The following PTPRD variants were observed in gnomAD, a reference collection of about 807,000 sequenced individuals.
PTPRD encodes receptor-type tyrosine-protein phosphatase delta.
A neutral mutation model predicts 214.5 loss-of-function variants in PTPRD; 34 were observed. The ratio of observed to expected loss-of-function variants is 0.16; its 90% confidence interval spans 0.12 to 0.21. The LOEUF (loss-of-function observed/expected upper bound fraction) is 0.21. Among genes scored for constraint, PTPRD ranks in the 10% least tolerant of loss-of-function variants. The pLI is 1.00. For synonymous variants in PTPRD, 1,128 were observed against 845.7 expected (o/e 1.33, Z -5.79); for missense variants, 2,545 against 2,398.7 (o/e 1.06, Z -1.27).
At chr9:9,428,692 TAACA>T (rs2081966796) in intron 8 of PTPRD, among the ~76,000 whole-genome samples, 1 of 152,132 alleles carries the variant, frequency 6.6e-6, no homozygotes, top group African/African-American at 2.4e-5. Flanking sequence ...ACAGAAATTA[TAACA>T]AACTGTCTCT....
intron 12 of PTPRD, among the ~76,000 whole-genome samples, chr9:8,664,863 C>A (rs1400267205): frequency 1.3e-5 from 2 of 152,204 alleles, no homozygotes. Context: ...AGGTACACTT[C>A]AGCTTAAGAA....
chr9:10,100,304 A>G (rs1272880868), intron 3 of PTPRD, among the ~76,000 whole-genome samples: 4 of 151,716 alleles, frequency 2.6e-5, no homozygotes. Flanking sequence ...TCTAAATACC[A>G]TATTATCCTC....
chr9:8,610,557 T>G (rs1383809178), intron 14 of PTPRD, among the ~76,000 whole-genome samples: 1 of 152,190 alleles, frequency 6.6e-6, no homozygotes, highest in African/African-American at 2.4e-5. Context: ...AAATGAAAAC[T>G]TAAACCATTC....
chr9:10,093,475 G>A (rs190534644), intron 3 of PTPRD, among the ~76,000 whole-genome samples: 16 of 151,316 alleles, frequency 1.1e-4, no homozygotes, highest in Non-Finnish European at 1.8e-4. Flanking sequence ...GCAGAAAAAC[G>A]GGAATGCTTA....
intron 44 of PTPRD, among the ~76,000 whole-genome samples, chr9:8,323,732 G>C (rs138334311): frequency 0.013 from 1,904 of 152,286 alleles, 29 homozygotes; most frequent in African/African-American, 0.044. Context: ...GGCTTCTCAA[G>C]ATGGAATATA....
chr9:9,052,281 A>T (rs1453941942), intron 10 of PTPRD, among the ~76,000 whole-genome samples: 2 of 152,168 alleles, frequency 1.3e-5, no homozygotes, highest in East Asian at 3.9e-4. Flanking sequence ...CCTAATATCA[A>T]CATCTTGGGT....
intron 9 of PTPRD, among the ~76,000 whole-genome samples, chr9:9,283,300 G>A (rs557650381): frequency 6.6e-6 from 1 of 151,436 alleles, no homozygotes; most frequent in South Asian, 2.1e-4. Flanking sequence ...AGAGAGCAAT[G>A]TGGTAGATAA....
At chr9:8,972,825 G>C (rs943988245) in intron 11 of PTPRD, among the ~76,000 whole-genome samples, 1 of 151,872 alleles carries the variant, frequency 6.6e-6, no homozygotes, top group Non-Finnish European at 1.5e-5. Flanking sequence ...GCTGTCCTGA[G>C]ACATAAATAT....
At chr9:10,559,282 T>C (rs1433341150) in intron 2 of PTPRD, among the ~76,000 whole-genome samples, 2 of 152,128 alleles carry the variant, frequency 1.3e-5, no homozygotes, top group East Asian at 3.9e-4. Context: ...AATTTATTCA[T>C]GCACATCCAA....
intron 11 of PTPRD, among the ~76,000 whole-genome samples, chr9:8,830,603 G>T (rs528673056): frequency 3.5e-4 from 54 of 152,258 alleles, no homozygotes; most frequent in Non-Finnish European, 6.5e-4. Context: ...ACTCCCCCCA[G>T]TGAGGAGTGT....
rs150687770 is a variant in PTPRD, at chr9:9,854,507, AT to A, written c.-368+83999del. On this transcript the variant is annotated intron_variant, in intron 5 of 45. Coordinates refer to ENST00000381196, the MANE Select transcript of PTPRD (RefSeq NM_002839.4). ...TTTTCTCAGAAAAAAAAGATATCTAATTTTTTTCTCAGAAAAAAAAAGATAT... is the reference window on the plus strand; with the variant it reads ...TTTTCTCAGAAAAAAAAGATATCTAATTTTTTCTCAGAAAAAAAAAGATAT... 5.5e-3 allele frequency among the ~76,000 whole-genome samples: 818 copies of A among 147,718 alleles called. 4 individuals are homozygous for A. Among genetic ancestry groups the A allele is most frequent in the African/African-American group, 0.019 (762 of 41,148 alleles).
intron 12 of PTPRD, among the ~76,000 whole-genome samples, chr9:8,651,330 G>C (rs1000042451): frequency 6.6e-6 from 1 of 152,010 alleles, no homozygotes; most frequent in Non-Finnish European, 1.5e-5. Context: ...TTCTATGCTC[G>C]GGCTCTGAAG....
intron 4 of PTPRD, among the ~76,000 whole-genome samples, chr9:9,945,467 T>G (rs151302332): frequency 6.6e-6 from 1 of 152,106 alleles, no homozygotes. Flanking sequence ...AATGGAGCTG[T>G]TAATGAAATA....
At chr9:10,604,034 T>C (rs959835490) in intron 2 of PTPRD, among the ~76,000 whole-genome samples, 1 of 151,814 alleles carries the variant, frequency 6.6e-6, no homozygotes, top group African/African-American at 2.4e-5. Flanking sequence ...TAGTCATTCC[T>C]GTGTGTCACC....
intron 11 of PTPRD, among the ~76,000 whole-genome samples, chr9:8,808,158 A>T (rs561408764): frequency 6.6e-6 from 1 of 152,234 alleles, no homozygotes; most frequent in East Asian, 1.9e-4. Context: ...TCCTGTTCAC[A>T]TGTCTAACCG....
At chr9:10,240,561 A>G (rs141069037) in intron 3 of PTPRD, among the ~76,000 whole-genome samples, 4 of 152,126 alleles carry the variant, frequency 2.6e-5, no homozygotes, top group Admixed American at 2.0e-4. Flanking sequence ...CCACAGACCT[A>G]TATCACTCAT....
At chr9:10,344,277 G>C (rs200601831) in intron 2 of PTPRD, among the ~76,000 whole-genome samples, 2 of 151,842 alleles carry the variant, frequency 1.3e-5, no homozygotes, top group Non-Finnish European at 2.9e-5. Flanking sequence ...ACCATTTATT[G>C]AATAGAGAAT....
At chr9:8,359,965 C>T (rs2078055799) in intron 39 of PTPRD, among the ~76,000 whole-genome samples, 1 of 152,176 alleles carries the variant, frequency 6.6e-6, no homozygotes, top group Admixed American at 6.5e-5. Flanking sequence ...TTGCTTACTG[C>T]ACTAGGTCAG....
intron 2 of PTPRD, among the ~76,000 whole-genome samples, chr9:10,578,964 G>A (rs921591394): frequency 6.6e-6 from 1 of 151,996 alleles, no homozygotes; most frequent in East Asian, 1.9e-4. Context: ...GTGCAGGTTT[G>A]TTACGTAGGT....
Sources: gnomAD v4.1 joint callset for allele counts (sites outside exome capture counted in the v4.1 genomes callset) on GRCh38, gnomAD v4.1.1 for gene constraint, MANE v1.5 for transcripts, NCBI Gene and HGNC (gene_info 2026-07-23, HGNC 2026-07-21) for gene names.